The following TMEFF2 variants were observed in gnomAD, a reference collection of about 807,000 sequenced individuals.
The protein encoded by TMEFF2 is tomoregulin-2.
Under a neutral mutation model 53.8 loss-of-function variants are expected in TMEFF2, and 28 were observed. The observed-to-expected ratio is 0.52, with a 90% confidence interval of 0.39 to 0.71. The LOEUF is 0.71. Among genes scored for constraint, TMEFF2 ranks in the 30% least tolerant of loss-of-function variants. The probability of loss-of-function intolerance (pLI) is 0.00; values close to 1 mark genes in which losing one functional copy is unlikely to be tolerated. For synonymous variants in TMEFF2, 162 were observed against 166.3 expected (o/e 0.97, Z 0.20); for missense variants, 353 against 455.2 (o/e 0.78, Z 2.04).
intron 5 of TMEFF2, among the ~76,000 whole-genome samples, chr2:192,005,516 T>G (rs908097980): frequency 1.3e-5 from 2 of 152,198 alleles, no homozygotes; most frequent in African/African-American, 4.8e-5. Flanking sequence ...CACTTATTCC[T>G]CTCCCAAGGT....
chr2:191,952,542 A>G (rs539795577), intron 9 of TMEFF2, among the ~76,000 whole-genome samples: 47 of 152,148 alleles, frequency 3.1e-4, no homozygotes, highest in African/African-American at 1.1e-3. Flanking sequence ...ATCTATTTTA[A>G]TATAATCACT....
chr2:192,192,012 C>A, intron 1 of TMEFF2, 23 bp from the exon 2 acceptor site: 1 of 1,471,348 alleles, frequency 6.8e-7, no homozygotes, highest in Non-Finnish European at 9.5e-7. Flanking sequence ...GAGAACACTC[C>A]AGTCATTAAA....
In TMEFF2 at chr2:192,047,878, A is replaced by G. The variant is rs182945481; in HGVS notation, c.536+9801T>C. Among the ~76,000 whole-genome samples, 431 of 152,296 alleles carry G rather than the reference A, an allele frequency of 2.8e-3. 3 individuals are homozygous for G. The highest frequency in any genetic ancestry group is 0.025 in the East Asian group (130 of 5,180). ...TTGTAGTTTAGATGAGTCAACACATACAATATATTACTATTTGGAAGTAAA... is the reference window on the plus strand; with the variant it reads ...TTGTAGTTTAGATGAGTCAACACATGCAATATATTACTATTTGGAAGTAAA... On this transcript the variant is annotated intron_variant, in intron 5 of 9. Transcript: ENST00000272771.
chr2:192,034,045 A>G (rs531840419), intron 5 of TMEFF2, among the ~76,000 whole-genome samples: 45 of 151,958 alleles, frequency 3.0e-4, no homozygotes, highest in South Asian at 8.3e-4. Flanking sequence ...CGTGGTGGCA[A>G]GCGCCTGTAG....
chr2:192,039,381 T>C (rs1357181462), intron 5 of TMEFF2, among the ~76,000 whole-genome samples: 1 of 152,302 alleles, frequency 6.6e-6, no homozygotes, highest in African/African-American at 2.4e-5. Context: ...AGGCCCAAAA[T>C]TGGATATGTT....
At chr2:191,965,377 A>G (rs1324321026) in intron 7 of TMEFF2, among the ~76,000 whole-genome samples, 2 of 152,088 alleles carry the variant, frequency 1.3e-5, no homozygotes, top group East Asian at 3.9e-4. Context: ...AAATTTGTCT[A>G]TTTCTCTACA....
At chr2:192,174,895 T>C (rs922897301) in intron 4 of TMEFF2, among the ~76,000 whole-genome samples, 7 of 151,650 alleles carry the variant, frequency 4.6e-5, no homozygotes, top group Non-Finnish European at 7.4e-5. Flanking sequence ...GGTATGCTGG[T>C]TGGAGAGGGA....
intron 4 of TMEFF2, among the ~76,000 whole-genome samples, chr2:192,137,975 C>T (rs1320804095): frequency 1.3e-5 from 2 of 151,818 alleles, no homozygotes; most frequent in Admixed American, 6.6e-5. Context: ...TGCGCCACCA[C>T]ACCCAGCTAA....
intron 1 of TMEFF2, among the ~76,000 whole-genome samples, 153 bp from the exon 2 acceptor site, chr2:192,192,142 A>G (rs941792385): frequency 2.6e-5 from 4 of 152,188 alleles, no homozygotes; most frequent in Non-Finnish European, 4.4e-5. Flanking sequence ...GATAACCTCA[A>G]AATCTAGTTA....
intron 4 of TMEFF2, among the ~76,000 whole-genome samples, chr2:192,095,743 C>T (rs1447234812): frequency 3.3e-5 from 5 of 152,202 alleles, no homozygotes; most frequent in Admixed American, 3.3e-4. Context: ...TAAATTCAGG[C>T]CTAGTGCTTT....
Position 191,998,298 on chromosome 2 carries a change from A to C in TMEFF2, c.709T>G (p.Ser237Ala). 1 of 1,600,066 alleles carries C rather than the reference A, an allele frequency of 6.2e-7. No homozygotes were observed. Among genetic ancestry groups the C allele is most frequent in the South Asian group, 1.1e-5 (1 of 88,872 alleles). ...CQDNTTTTTK[S>A]EDGHYARTDY... ...GTTCTTGCATAATGCCCATCTTCAG[A>C]CTTAGTAGTTGTAGTTGTGTTATCT... Residue 237 changes from serine (S) to alanine (A), a missense_variant, in exon 7 of 10, where the codon TCT becomes GCT. Ser to Ala is a moderately conservative substitution (Grantham distance 99, BLOSUM62 1). Coordinates refer to ENST00000272771, the MANE Select transcript of TMEFF2 (RefSeq NM_016192.4).
At chr2:191,997,965 T>A (rs916257507) in intron 7 of TMEFF2, among the ~76,000 whole-genome samples, 1 of 151,978 alleles carries the variant, frequency 6.6e-6, no homozygotes, top group Non-Finnish European at 1.5e-5. Context: ...TTCATTTCCA[T>A]TGATGCTATT....
At chr2:191,981,312 ATGT>A (rs1422906631) in intron 7 of TMEFF2, among the ~76,000 whole-genome samples, 1 of 138,962 alleles carries the variant, frequency 7.2e-6, no homozygotes, top group Non-Finnish European at 1.6e-5. Context: ...TGCCTTTTAA[ATGT>A]TGTTCCCTAT....
chr2:192,050,629 A>T (rs1232872538), intron 5 of TMEFF2, among the ~76,000 whole-genome samples: 1 of 152,072 alleles, frequency 6.6e-6, no homozygotes, highest in African/African-American at 2.4e-5. Context: ...ACCGGCAGCT[A>T]CTGCAGAGAG....
At chr2:192,153,288 C>T (rs1330092738) in intron 4 of TMEFF2, among the ~76,000 whole-genome samples, 1 of 151,748 alleles carries the variant, frequency 6.6e-6, no homozygotes, top group Non-Finnish European at 1.5e-5. Context: ...GCATGATATA[C>T]CTGAATACTG....
chr2:192,119,211 A>G (rs184058516), intron 4 of TMEFF2, among the ~76,000 whole-genome samples: 49 of 152,338 alleles, frequency 3.2e-4, no homozygotes, highest in African/African-American at 1.1e-3. Context: ...AATCCAAAAT[A>G]TAATAGTAAA....
At chr2:192,179,986 A>T (rs113885463) in intron 3 of TMEFF2, among the ~76,000 whole-genome samples, 8 of 151,404 alleles carry the variant, frequency 5.3e-5, no homozygotes, top group African/African-American at 1.9e-4. Context: ...GACAGGCTGG[A>T]TTTGGTGCCA....
chr2:192,192,430 A>T (rs760446766), intron 1 of TMEFF2, among the ~76,000 whole-genome samples: 17 of 152,120 alleles, frequency 1.1e-4, no homozygotes, highest in Non-Finnish European at 4.4e-5. Flanking sequence ...TTTTGCTTCA[A>T]CGACTGAAAC....
At chr2:192,190,209 CTT>C (rs577832451) in intron 2 of TMEFF2, among the ~76,000 whole-genome samples, 1 of 148,784 alleles carries the variant, frequency 6.7e-6, no homozygotes, top group Admixed American at 6.7e-5. Flanking sequence ...CTGTCAACCC[CTT>C]TTTTTTTTCT....
Sources: gnomAD v4.1 joint callset for allele counts (sites outside exome capture counted in the v4.1 genomes callset) on GRCh38, gnomAD v4.1.1 for gene constraint, MANE v1.5 for transcripts, NCBI Gene and HGNC (gene_info 2026-07-23, HGNC 2026-07-21) for gene names.